Variants in UQCC1 observed in about 807,000 individuals in gnomAD.
The protein encoded by UQCC1 is bFGF-repressed Zic-binding protein.
Under a neutral mutation model 48.0 loss-of-function variants are expected in UQCC1, and 38 were observed. The observed-to-expected ratio is 0.79, with a 90% CI of 0.61 to 1.04. The LOEUF (loss-of-function observed/expected upper bound fraction) is 1.04, where lower values mean the gene tolerates loss of function less well. Ranked by LOEUF, UQCC1 falls within the 50% of genes least tolerant of loss-of-function variation. The pLI, the probability that UQCC1 is intolerant of heterozygous loss-of-function variation, is 0.00. For missense variants in UQCC1, 368 were observed against 381.8 expected (o/e 0.96, Z 0.30); for synonymous variants, 111 against 129.2 (o/e 0.86, Z 0.95).
chr20:35,384,822 C>T (rs1480316677), intron 2 of UQCC1, among the ~76,000 whole-genome samples: 1 of 151,498 alleles, frequency 6.6e-6, no homozygotes, highest in Non-Finnish European at 1.5e-5. Context: ...AAAAAATTAG[C>T]CAGGTGTGGT....
chr20:35,366,986 G>A (rs2061674841), intron 5 of UQCC1, among the ~76,000 whole-genome samples: 1 of 149,996 alleles, frequency 6.7e-6, no homozygotes, highest in African/African-American at 2.4e-5. Context: ...CCCAGCTACT[G>A]AAGAGGCTGT....
At chr20:35,343,669 T>C (rs996859003) in intron 7 of UQCC1, among the ~76,000 whole-genome samples, 1 of 152,230 alleles carries the variant, frequency 6.6e-6, no homozygotes, top group African/African-American at 2.4e-5. Context: ...TTATAGTCTT[T>C]GTAACTAAAC....
chr20:35,323,669 A>G (rs1325599382), intron 7 of UQCC1, among the ~76,000 whole-genome samples: 1 of 152,210 alleles, frequency 6.6e-6, no homozygotes, highest in African/African-American at 2.4e-5. Flanking sequence ...GGCGTTCAAG[A>G]TTCTATGGCC....
Position 35,376,421 on chromosome 20 carries a change from G to A in UQCC1, c.334-2165C>T, listed in dbSNP as rs144737824. Among the ~76,000 whole-genome samples the A allele has an allele frequency of 6.8e-4, 104 of 151,942 alleles. 1 individual carries two copies. The East Asian group carries it at 0.012, about 18-fold the overall frequency. ...CAGGAATCAGAGAGCAGACATCACT[G>A]CATATCCTAAAGACATTAAAAGGAT... On this transcript the variant is annotated intron_variant, in intron 4 of 9. Transcript: ENST00000374385.
chr20:35,314,492 C>G (rs2061034907), intron 8 of UQCC1, among the ~76,000 whole-genome samples, 196 bp downstream of exon 8: 1 of 152,092 alleles, frequency 6.6e-6, no homozygotes, highest in Non-Finnish European at 1.5e-5. Context: ...CTTTCTTTCC[C>G]AAACATGTGG....
intron 6 of UQCC1, among the ~76,000 whole-genome samples, chr20:35,354,586 CG>C (rs2061525446): frequency 6.6e-6 from 1 of 152,020 alleles, no homozygotes; most frequent in Non-Finnish European, 1.5e-5. Flanking sequence ...TTAGTGGAGA[CG>C]GGGTTTCACA....
intron 6 of UQCC1, 125 bp from the exon 7 acceptor site, chr20:35,347,397 C>CTT: frequency 5.4e-5 from 48 of 889,106 alleles, no homozygotes; most frequent in Non-Finnish European, 6.9e-5. Context: ...TGGAAGTGAA[C>CTT]TTTTTTTTTT....
intron 7 of UQCC1, among the ~76,000 whole-genome samples, chr20:35,325,680 A>G (rs577921043): frequency 6.6e-6 from 1 of 152,344 alleles, no homozygotes; most frequent in East Asian, 1.9e-4. Flanking sequence ...CACACCTAGC[A>G]CGTTGTATGT....
intron 1 of UQCC1, among the ~76,000 whole-genome samples, chr20:35,397,769 G>A (rs1317722329): frequency 1.3e-5 from 2 of 152,064 alleles, no homozygotes; most frequent in Admixed American, 6.6e-5. Context: ...GCTATCCGAG[G>A]GAGGTCCTGG....
At chr20:35,359,959 T>C (rs2061588416) in intron 6 of UQCC1, among the ~76,000 whole-genome samples, 1 of 152,158 alleles carries the variant, frequency 6.6e-6, no homozygotes, top group Non-Finnish European at 1.5e-5. Context: ...CAGGACAGCC[T>C]GTGGGCAAAC....
chr20:35,332,600 A>G (rs1411194164), intron 7 of UQCC1, among the ~76,000 whole-genome samples: 2 of 152,216 alleles, frequency 1.3e-5, no homozygotes, highest in African/African-American at 4.8e-5. Flanking sequence ...CTCTTTTGCC[A>G]AAGCCCCATT....
chr20:35,349,064 G>A (rs1054113095), intron 6 of UQCC1, among the ~76,000 whole-genome samples: 5 of 152,120 alleles, frequency 3.3e-5, no homozygotes, highest in African/African-American at 1.2e-4. Context: ...AATCCAACCT[G>A]ACAATTCTAT....
intron 5 of UQCC1, 114 bp downstream of exon 5, chr20:35,374,070 G>T: frequency 1.3e-6 from 1 of 744,032 alleles, no homozygotes; most frequent in Non-Finnish European, 2.2e-6. Context: ...TATATGCTTT[G>T]TGCAGGAAAA....
At chr20:35,356,090 C>T (rs1282447827) in intron 6 of UQCC1, among the ~76,000 whole-genome samples, 3 of 152,140 alleles carry the variant, frequency 2.0e-5, no homozygotes, top group African/African-American at 4.8e-5. Context: ...GGTTTCGCCA[C>T]GTTGCCGAGG....
intron 7 of UQCC1, among the ~76,000 whole-genome samples, chr20:35,322,689 T>A (rs2146328034): frequency 6.6e-6 from 1 of 152,120 alleles, no homozygotes; most frequent in South Asian, 2.1e-4. Flanking sequence ...GCCAAGATTG[T>A]GCCACTGCAC....
intron 6 of UQCC1, among the ~76,000 whole-genome samples, chr20:35,366,258 A>C (rs76771043): frequency 6.6e-6 from 1 of 152,194 alleles, no homozygotes; most frequent in Non-Finnish European, 1.5e-5. Context: ...TAAAACAGCC[A>C]AGGGAGAGAA....
In UQCC1 at chr20:35,315,993, T is replaced by C. The variant is rs138997283; in HGVS notation, c.574-1228A>G. ...TTGGGGAACAGCCTGGCCTGGAGGA[T>C]CTTCAGGGCCCAGAGTGCAGTTCGC... is the stretch of plus-strand genomic sequence containing the variant. On this transcript the variant is annotated intron_variant, in intron 7 of 9. Coordinates refer to ENST00000374385, the MANE Select transcript of UQCC1 (RefSeq NM_018244.5). 1.5e-3 allele frequency among the ~76,000 whole-genome samples: 231 copies of C among 152,298 alleles called. 1 individual carries two copies. Among genetic ancestry groups the C allele is most frequent in the African/African-American group, 5.4e-3 (225 of 41,560 alleles).
At chr20:35,405,920 A>G (rs1271035121) in intron 1 of UQCC1, among the ~76,000 whole-genome samples, 6 of 152,186 alleles carry the variant, frequency 3.9e-5, no homozygotes, top group Non-Finnish European at 5.9e-5. Context: ...AAAGTCCAAC[A>G]ACTAAAATGA....
chr20:35,356,012 T>C (rs1400857488), intron 6 of UQCC1, among the ~76,000 whole-genome samples: 1 of 152,046 alleles, frequency 6.6e-6, no homozygotes, highest in East Asian at 1.9e-4. Flanking sequence ...GCCTCCCAAG[T>C]AGCTGGGACT....
Sources: allele counts gnomAD v4.1 joint callset (sites outside exome capture counted in the v4.1 genomes callset), GRCh38; gene constraint gnomAD v4.1.1; transcripts MANE v1.5; gene names NCBI Gene and HGNC (gene_info 2026-07-23, HGNC 2026-07-21).